ARHGAP15: variants seen among roughly 807,000 people sequenced by gnomAD.
The protein encoded by ARHGAP15 is Rho GTPase activating protein 15, also known as rho GTPase-activating protein 15.
A neutral mutation model predicts 63.7 loss-of-function variants in ARHGAP15; 51 were observed. The ratio of observed to expected loss-of-function variants is 0.80; its 90% CI spans 0.64 to 1.01. The LOEUF is 1.01. Ranked by LOEUF, ARHGAP15 falls within the 50% of genes least tolerant of loss-of-function variation. The pLI is 0.00. For missense variants in ARHGAP15, 560 were observed against 564.6 expected, an observed-to-expected ratio of 0.99 and a Z score of 0.08; for synonymous variants, 191 against 193.8, an observed-to-expected ratio of 0.99 and a Z score of 0.12.
intron 6 of ARHGAP15, among the ~76,000 whole-genome samples, chr2:143,324,883 C>A (rs1684183253): frequency 6.6e-6 from 1 of 152,058 alleles, no homozygotes; most frequent in Admixed American, 6.5e-5. Flanking sequence ...TAGGCTGTGG[C>A]CCGTGAACAG....
intron 13 of ARHGAP15, among the ~76,000 whole-genome samples, chr2:143,729,256 C>T (rs1685425416): frequency 6.6e-6 from 1 of 152,192 alleles, no homozygotes; most frequent in Non-Finnish European, 1.5e-5. Flanking sequence ...TTTCCCTAAT[C>T]AAGGGCATCT....
At chr2:143,282,691 G>A (rs1056194991) in intron 6 of ARHGAP15, among the ~76,000 whole-genome samples, 3 of 152,084 alleles carry the variant, frequency 2.0e-5, no homozygotes, top group African/African-American at 7.2e-5. Context: ...CATCTTAAAC[G>A]TGAGAAAACT....
intron 5 of ARHGAP15, among the ~76,000 whole-genome samples, chr2:143,234,844 C>A (rs191090414): frequency 6.6e-6 from 1 of 152,266 alleles, no homozygotes; most frequent in Non-Finnish European, 1.5e-5. Flanking sequence ...ATTCAGCTTC[C>A]CTCACTGAAT....
At chr2:143,639,000 A>G (rs1182548008) in intron 12 of ARHGAP15, among the ~76,000 whole-genome samples, 1 of 152,138 alleles carries the variant, frequency 6.6e-6, no homozygotes, top group Non-Finnish European at 1.5e-5. Flanking sequence ...ACTAATCAAT[A>G]TTAAGTAGCC....
At chr2:143,498,956 C>G (rs1212507110) in intron 9 of ARHGAP15, among the ~76,000 whole-genome samples, 1 of 152,152 alleles carries the variant, frequency 6.6e-6, no homozygotes, top group Non-Finnish European at 1.5e-5. Flanking sequence ...ATTTAAGACA[C>G]TTTCTAGATT....
intron 6 of ARHGAP15, among the ~76,000 whole-genome samples, chr2:143,310,830 T>C (rs939334468): frequency 3.3e-5 from 5 of 152,064 alleles, no homozygotes; most frequent in Non-Finnish European, 5.9e-5. Flanking sequence ...GTTTTATGTA[T>C]TGTATAGGTT....
intron 2 of ARHGAP15, among the ~76,000 whole-genome samples, chr2:143,196,061 C>T (rs928775055): frequency 2.0e-5 from 3 of 152,026 alleles, no homozygotes; most frequent in African/African-American, 7.2e-5. Context: ...AAAAAGATAT[C>T]TGAAAAACTT....
chr2:143,412,616 A>T (rs896014525), intron 6 of ARHGAP15, among the ~76,000 whole-genome samples: 12 of 152,216 alleles, frequency 7.9e-5, no homozygotes, highest in African/African-American at 2.6e-4. Flanking sequence ...CTTGGTCTTT[A>T]GTTTTTGTAT....
chr2:143,538,068 G>A (rs1320132882), intron 10 of ARHGAP15, among the ~76,000 whole-genome samples: 2 of 152,154 alleles, frequency 1.3e-5, no homozygotes, highest in Admixed American at 1.3e-4. Context: ...GCAGTAGTTT[G>A]TAGTTCTCCT....
intron 6 of ARHGAP15, among the ~76,000 whole-genome samples, chr2:143,325,605 C>CA (rs927011591): frequency 4.6e-5 from 7 of 151,758 alleles, no homozygotes; most frequent in South Asian, 2.1e-4. Flanking sequence ...TCTCCTTTTC[C>CA]AAAAAAATAC....
intron 6 of ARHGAP15, among the ~76,000 whole-genome samples, chr2:143,353,756 T>A (rs1194435551): frequency 1.3e-5 from 2 of 152,200 alleles, no homozygotes; most frequent in Admixed American, 1.3e-4. Context: ...TAAGGAACCA[T>A]AACTTAGAAA....
intron 5 of ARHGAP15, among the ~76,000 whole-genome samples, chr2:143,248,348 A>G (rs1412680186): frequency 3.3e-5 from 5 of 152,230 alleles, no homozygotes; most frequent in Admixed American, 3.3e-4. Context: ...CACGTTTAAC[A>G]GAGAAGGACA....
At chr2:143,558,456 T>A (rs1347865356) in intron 11 of ARHGAP15, among the ~76,000 whole-genome samples, 1 of 152,146 alleles carries the variant, frequency 6.6e-6, no homozygotes, top group African/African-American at 2.4e-5. Flanking sequence ...CTTTTAAAAT[T>A]CCATCTATTA....
chr2:143,307,544 C>A (rs1185499186), intron 6 of ARHGAP15, among the ~76,000 whole-genome samples: 1 of 152,030 alleles, frequency 6.6e-6, no homozygotes, highest in Non-Finnish European at 1.5e-5. Context: ...ACATTCTGAT[C>A]ATTCTGATCA....
intron 6 of ARHGAP15, among the ~76,000 whole-genome samples, chr2:143,335,975 A>G (rs962385320): frequency 5.3e-5 from 8 of 151,824 alleles, no homozygotes; most frequent in Non-Finnish European, 1.0e-4. Context: ...GAAAATGATG[A>G]TAGTTTTTAT....
intron 1 of ARHGAP15, among the ~76,000 whole-genome samples, chr2:143,153,580 C>T (rs1689922699): frequency 6.6e-6 from 1 of 151,814 alleles, no homozygotes; most frequent in Non-Finnish European, 1.5e-5. Context: ...ACAATTTGTT[C>T]ATTTTTAACA....
At position 143,266,413 on chromosome 2, in the gene ARHGAP15, G is replaced by GT; in HGVS notation, c.474+15814dup. Among the ~76,000 whole-genome samples, 3 of 152,238 alleles carry GT rather than the reference G, an allele frequency of 2.0e-5. No individual in the cohort carries two copies. The South Asian group carries it at 6.2e-4, about 32-fold the overall frequency. ...GTAACTAAGACTTGGATTATGTAGA[G>GT]TGCTTACTTTCTATTGGTGAATACT... On this transcript the variant is annotated intron_variant, in intron 6 of 13. Transcript: ENST00000295095.
chr2:143,318,301 C>T (rs1312181590), intron 6 of ARHGAP15, among the ~76,000 whole-genome samples: 1 of 151,960 alleles, frequency 6.6e-6, no homozygotes, highest in Non-Finnish European at 1.5e-5. Flanking sequence ...CCACCATGCC[C>T]GTCCCATAAA....
At chr2:143,180,538 C>T (rs1023836622) in intron 2 of ARHGAP15, among the ~76,000 whole-genome samples, 2 of 152,208 alleles carry the variant, frequency 1.3e-5, no homozygotes, top group Non-Finnish European at 2.9e-5. Flanking sequence ...TTGACCTTCT[C>T]TCATGAATCA....
Sources: allele counts gnomAD v4.1 joint callset (sites outside exome capture counted in the v4.1 genomes callset), GRCh38; gene constraint gnomAD v4.1.1; transcripts MANE v1.5; gene names NCBI Gene and HGNC (gene_info 2026-07-23, HGNC 2026-07-21).